Variants in IL1RAPL1 observed in about 807,000 individuals in gnomAD.
IL1RAPL1 encodes interleukin 1 receptor accessory protein like 1.
In IL1RAPL1, 3 loss-of-function variants were observed where a neutral mutation model predicts 48.4. The ratio of observed to expected loss-of-function variants is 0.06; its 90% CI spans 0.03 to 0.16. The LOEUF (loss-of-function observed/expected upper bound fraction) is 0.16, where lower values mean the gene tolerates loss of function less well. Ranked by LOEUF, IL1RAPL1 falls within the 10% of genes least tolerant of loss-of-function variation. The pLI is 1.00. For synonymous variants in IL1RAPL1, 185 were observed against 187.7 expected (o/e 0.99, Z 0.12); for missense variants, 349 against 530.6 (o/e 0.66, Z 3.36).
At chrX:29,339,874 A>G (rs1933049113) in intron 3 of IL1RAPL1, among the ~76,000 whole-genome samples, 1 of 111,856 alleles carries the variant, frequency 8.9e-6, no homozygotes. Flanking sequence ...AGTTTTGAAG[A>G]GTACTCACTA....
chrX:29,702,116 G>A (rs1323433333), intron 6 of IL1RAPL1, among the ~76,000 whole-genome samples: 2 of 111,021 alleles, frequency 1.8e-5, no homozygotes, highest in Admixed American at 9.5e-5. Context: ...CTAGCTGGGC[G>A]TGGTGGTGTA....
intron 2 of IL1RAPL1, among the ~76,000 whole-genome samples, chrX:29,040,849 C>T (rs1306502005): frequency 8.9e-6 from 1 of 111,843 alleles, no homozygotes; most frequent in Non-Finnish European, 1.9e-5. Context: ...ATGCCAGTGA[C>T]TTCTTTGTTT....
chrX:29,121,259 GA>G (rs758320187), intron 2 of IL1RAPL1, among the ~76,000 whole-genome samples: 2 of 111,836 alleles, frequency 1.8e-5, no homozygotes, highest in East Asian at 5.6e-4. Context: ...AACAAAAAAA[GA>G]AAATAAAAGG....
intron 1 of IL1RAPL1, among the ~76,000 whole-genome samples, chrX:28,613,159 C>A (rs1169113295): frequency 8.9e-6 from 1 of 112,224 alleles, no homozygotes; most frequent in Non-Finnish European, 1.9e-5. Flanking sequence ...CAGTGCTCAG[C>A]TGAGATAATG....
intron 3 of IL1RAPL1, among the ~76,000 whole-genome samples, chrX:29,292,549 T>C (rs891081224): frequency 1.8e-5 from 2 of 112,159 alleles, no homozygotes; most frequent in African/African-American, 3.2e-5. Context: ...CATTCTTGAA[T>C]CAAAGGATAT....
intron 2 of IL1RAPL1, among the ~76,000 whole-genome samples, chrX:29,258,111 C>G: frequency 9.0e-6 from 1 of 110,528 alleles, no homozygotes; most frequent in South Asian, 3.8e-4. Context: ...GGCAAAAAGT[C>G]TCTTTTAGTG....
chrX:29,111,733 C>T (rs1347444880), intron 2 of IL1RAPL1, among the ~76,000 whole-genome samples: 1 of 110,946 alleles, frequency 9.0e-6, no homozygotes, highest in African/African-American at 3.3e-5. Context: ...TCTACACTTT[C>T]CTCGATCCTT....
intron 2 of IL1RAPL1, among the ~76,000 whole-genome samples, chrX:28,889,619 A>C (rs192165546): frequency 9.0e-6 from 1 of 111,382 alleles, no homozygotes; most frequent in Non-Finnish European, 1.9e-5. Context: ...ACATCTTTCA[A>C]CTTATTAAGC....
At chrX:29,933,220 A>AAAT (rs1932975063) in intron 8 of IL1RAPL1, among the ~76,000 whole-genome samples, 1 of 111,039 alleles carries the variant, frequency 9.0e-6, no homozygotes, top group East Asian at 2.8e-4. Context: ...GCATTAGGAG[A>AAAT]AATACCTCAT....
At chrX:29,793,985 C>CTG (rs751650052) in intron 6 of IL1RAPL1, among the ~76,000 whole-genome samples, 8 of 111,868 alleles carry the variant, frequency 7.2e-5, no homozygotes, top group Admixed American at 4.8e-4. Flanking sequence ...TGATGTTTGT[C>CTG]TGTGTGTGTG....
chrX:29,875,311 G>A (rs1931880006), intron 6 of IL1RAPL1, among the ~76,000 whole-genome samples: 1 of 111,386 alleles, frequency 9.0e-6, no homozygotes, highest in Non-Finnish European at 1.9e-5. Context: ...CTACATTGAG[G>A]GAGTTGTGCA....
At chrX:29,265,065 A>G (rs956626300) in intron 2 of IL1RAPL1, among the ~76,000 whole-genome samples, 2 of 110,826 alleles carry the variant, frequency 1.8e-5, no homozygotes, top group Non-Finnish European at 3.8e-5. Flanking sequence ...GGCATACGCC[A>G]CGACACCCAG....
chrX:29,276,724 C>T (rs1345380277), intron 2 of IL1RAPL1, among the ~76,000 whole-genome samples: 2 of 110,751 alleles, frequency 1.8e-5, no homozygotes, highest in Non-Finnish European at 1.9e-5. Context: ...CTATGTTGCC[C>T]AGACGAGACT....
intron 1 of IL1RAPL1, among the ~76,000 whole-genome samples, chrX:28,768,824 G>GTATATATA (rs200366562): frequency 1.3e-4 from 9 of 71,217 alleles, no homozygotes; most frequent in East Asian, 4.2e-4. Context: ...ATGTGTGTGT[G>GTATATATA]TATATATATA....
chrX:29,282,846 A>C, intron 2 of IL1RAPL1, 92 bp from the exon 3 acceptor site: 1 of 930,313 alleles, frequency 1.1e-6, no homozygotes, highest in Non-Finnish European at 1.5e-6. Flanking sequence ...GATGCTCAGT[A>C]AATATTTGTT....
intron 3 of IL1RAPL1, among the ~76,000 whole-genome samples, chrX:29,388,163 C>T (rs1462706073): frequency 2.2e-5 from 2 of 91,600 alleles, no homozygotes; most frequent in African/African-American, 8.0e-5. Context: ...GCTAATAGTT[C>T]ATTCATTTAT....
chrX:28,686,585 G>A (rs1929888112), intron 1 of IL1RAPL1, among the ~76,000 whole-genome samples: 1 of 112,028 alleles, frequency 8.9e-6, no homozygotes, highest in Non-Finnish European at 1.9e-5. Context: ...AAAAATTAAT[G>A]CTGTTTGCTA....
chrX:28,728,409 G>C (rs972153483), intron 1 of IL1RAPL1, among the ~76,000 whole-genome samples: 1 of 111,804 alleles, frequency 8.9e-6, no homozygotes, highest in African/African-American at 3.2e-5. Context: ...ATTCTCTGCA[G>C]ATAACCGCTA....
At chrX:29,028,292 GTT>G (rs775964789) in intron 2 of IL1RAPL1, among the ~76,000 whole-genome samples, 2 of 80,183 alleles carry the variant, frequency 2.5e-5, no homozygotes. Context: ...TTTTTTGTTT[GTT>G]TTTTTTTTTT....
Sources: gnomAD v4.1 joint callset for allele counts (sites outside exome capture counted in the v4.1 genomes callset) on GRCh38, gnomAD v4.1.1 for gene constraint, MANE v1.5 for transcripts, NCBI Gene and HGNC (gene_info 2026-07-23, HGNC 2026-07-21) for gene names.